The following MICAL3 variants were observed in gnomAD, a reference collection of about 807,000 sequenced individuals.
MICAL3 encodes the protein [F-actin]-monooxygenase MICAL3.
A neutral mutation model predicts 207.4 loss-of-function variants in MICAL3; 62 were observed. The observed-to-expected ratio is 0.30, with a 90% CI of 0.24 to 0.37. MICAL3 has a LOEUF of 0.37. Among genes scored for constraint, MICAL3 ranks in the 10% least tolerant of loss-of-function variants. MICAL3 has a pLI of 1.00. For synonymous variants in MICAL3, 1,077 were observed against 1,069.3 expected (o/e 1.01, Z -0.14); for missense variants, 2,368 against 2,635.6 (o/e 0.90, Z 2.22).
intron 2 of MICAL3, among the ~76,000 whole-genome samples, chr22:17,905,580 T>A (rs1256022061): frequency 1.3e-5 from 2 of 152,224 alleles, no homozygotes; most frequent in Admixed American, 6.5e-5. Context: ...ATTTTGCTGA[T>A]GAATATCTAC....
chr22:17,844,528 T>A (rs1458057004), intron 19 of MICAL3, among the ~76,000 whole-genome samples: 1 of 152,256 alleles, frequency 6.6e-6, no homozygotes, highest in Non-Finnish European at 1.5e-5. Flanking sequence ...TTGGAATTAC[T>A]GGCATCCTCC....
At chr22:17,808,770 A>G (rs1188729805) in intron 29 of MICAL3, 74 bp downstream of exon 29, 6 of 1,295,288 alleles carry the variant, frequency 4.6e-6, no homozygotes, top group Non-Finnish European at 6.5e-6. Context: ...GGTGAGGTGA[A>G]GCAAAACTAG....
At chr22:17,927,249 TATACC>T (rs1438530090) in intron 1 of MICAL3, among the ~76,000 whole-genome samples, 2 of 152,222 alleles carry the variant, frequency 1.3e-5, no homozygotes, top group Non-Finnish European at 2.9e-5. Flanking sequence ...CATTGTAACA[TATACC>T]ATGACCTCAT....
intron 19 of MICAL3, among the ~76,000 whole-genome samples, chr22:17,859,691 C>G (rs921366008): frequency 6.6e-6 from 1 of 152,240 alleles, no homozygotes; most frequent in Admixed American, 6.5e-5. Context: ...GCGGGCACGC[C>G]TGGCAGAGCC....
intron 2 of MICAL3, among the ~76,000 whole-genome samples, chr22:17,905,239 TAC>T (rs1483013512): frequency 2.6e-5 from 4 of 152,222 alleles, no homozygotes; most frequent in Non-Finnish European, 1.5e-5. Context: ...TCCAAAGAGA[TAC>T]AGAGTACTAC....
intron 1 of MICAL3, among the ~76,000 whole-genome samples, chr22:18,007,656 A>G (rs1246500935): frequency 3.9e-5 from 6 of 152,054 alleles, no homozygotes; most frequent in Non-Finnish European, 8.8e-5. Flanking sequence ...CTAGCAAAGT[A>G]AAAAATGCAT....
At chr22:18,015,966 G>C (rs774568464) in intron 1 of MICAL3, among the ~76,000 whole-genome samples, 8 of 152,058 alleles carry the variant, frequency 5.3e-5, no homozygotes, top group Non-Finnish European at 1.2e-4. Context: ...ACAACAGAGG[G>C]TATTTTTTAT....
chr22:17,933,300 ACT>A (rs1327280486), intron 1 of MICAL3, among the ~76,000 whole-genome samples: 1 of 152,232 alleles, frequency 6.6e-6, no homozygotes, highest in Non-Finnish European at 1.5e-5. Flanking sequence ...TCAAATTATA[ACT>A]CAGGATTAAG....
intron 1 of MICAL3, among the ~76,000 whole-genome samples, chr22:17,928,106 C>T (rs1465272750): frequency 6.6e-6 from 1 of 151,972 alleles, no homozygotes; most frequent in African/African-American, 2.4e-5. Context: ...TCACCCACTG[C>T]AGGAACGCTA....
At chr22:17,851,073 T>C (rs1925276656) in intron 19 of MICAL3, among the ~76,000 whole-genome samples, 1 of 152,216 alleles carries the variant, frequency 6.6e-6, no homozygotes, top group African/African-American at 2.4e-5. Context: ...TGCTGCGCTC[T>C]AGCTGTCTAC....
chr22:17,837,678 G>C (rs890372620), intron 20 of MICAL3, among the ~76,000 whole-genome samples: 1 of 152,236 alleles, frequency 6.6e-6, no homozygotes, highest in East Asian at 1.9e-4. Context: ...GCATGAAGCT[G>C]ATTAGGCCTG....
At position 17,796,754 on chromosome 22, in the gene MICAL3, C is replaced by T. The variant is rs2061880493; in HGVS notation, c.5651-5453G>A. On this transcript the variant is annotated intron_variant, in intron 29 of 31. Transcript: ENST00000441493. This position sits in a 1 kb window ranked among gnomAD's most constrained non-coding sequence, Gnocchi z 4.4. ...GTAAGTAGAGTCTGTTTTGTCTGTG[C>T]CTGGGGAGACAGTGAAGGCAGGACC... Among the ~76,000 whole-genome samples, 1 of 152,118 alleles carries T rather than the reference C, an allele frequency of 6.6e-6. No homozygotes were observed. Among genetic ancestry groups the T allele is most frequent in the Non-Finnish European group, 1.5e-5 (1 of 68,022 alleles).
At chr22:17,910,786 C>A (rs9617638) in intron 1 of MICAL3, among the ~76,000 whole-genome samples, 4 of 152,292 alleles carry the variant, frequency 2.6e-5, no homozygotes, top group African/African-American at 9.6e-5. Context: ...TGACAACAGC[C>A]GGGAAGCACA....
At chr22:17,897,422 C>CAAAAAAA (rs71754131) in intron 7 of MICAL3, among the ~76,000 whole-genome samples, 17 of 41,776 alleles carry the variant, frequency 4.1e-4, no homozygotes, top group East Asian at 8.0e-4. Context: ...GACTCCAACT[C>CAAAAAAA]AAAAAAAAAA....
intron 20 of MICAL3, chr22:17,834,622 C>G: frequency 1.8e-6 from 2 of 1,084,164 alleles, no homozygotes; most frequent in Non-Finnish European, 2.3e-6. Context: ...GAAAGGTGTA[C>G]GCACATCATG....
rs1921227307 is a variant in MICAL3, at chr22:17,818,512, C to T, written c.4149G>A (p.Leu1383=). 1.2e-6 allele frequency: 2 copies of T among 1,613,236 alleles called. No homozygotes were observed. Among genetic ancestry groups the T allele is most frequent in the Non-Finnish European group, 1.7e-6 (2 of 1,179,880 alleles). The change falls in exon 26 of 32, where the codon CTG becomes CTA. Residue 1383 remains leucine (L), a synonymous_variant. Coordinates refer to ENST00000441493, the MANE Select transcript of MICAL3 (RefSeq NM_015241.3). The stretch of plus-strand genomic sequence containing the variant: ...GCAGGCCCAGCCTTTTGGGGATGGA[C>T]AGAGGCTTGAGAAGGTGGAGTCCCT... ...QDEGLHLLKP[L]SIPKRLGLPK...
At chr22:17,953,995 A>T in intron 1 of MICAL3, among the ~76,000 whole-genome samples, 1 of 149,302 alleles carries the variant, frequency 6.7e-6, no homozygotes, top group Non-Finnish European at 1.5e-5. Flanking sequence ...GAAAAGGAAG[A>T]GTTTATTTCA....
rs899320358 is a variant in MICAL3, at chr22:17,841,194, T to A, written c.2801+628A>T. 9 of 153,280 alleles carry A rather than the reference T, an allele frequency of 5.9e-5. No homozygotes were observed. The highest frequency in any genetic ancestry group is 2.2e-4 in the African/African-American group (9 of 41,470). The allele number at this position is 153,280 out of a possible 1,614,324, so 9.5% of individuals were successfully genotyped here. ...GATTCTTGGCTCTCTTGATCATCTG[T>A]AATCGGCTGAACACTTTGAAGCCTT... On this transcript the variant is annotated intron_variant, in intron 20 of 31. Coordinates refer to ENST00000441493, the MANE Select transcript of MICAL3 (RefSeq NM_015241.3). This position sits in a 1 kb window ranked among gnomAD's most constrained non-coding sequence, Gnocchi z 4.2.
intron 1 of MICAL3, among the ~76,000 whole-genome samples, chr22:17,928,851 G>T (rs1462331262): frequency 1.3e-5 from 2 of 152,200 alleles, no homozygotes; most frequent in Non-Finnish European, 2.9e-5. Flanking sequence ...CTGGAGTGCA[G>T]TGTCGTGATC....
Sources: allele counts gnomAD v4.1 joint callset (sites outside exome capture counted in the v4.1 genomes callset), GRCh38; gene constraint gnomAD v4.1.1; non-coding constraint Gnocchi (gnomAD v3.1); transcripts MANE v1.5; gene names NCBI Gene and HGNC (gene_info 2026-07-23, HGNC 2026-07-21).